The following ZNF585B variants were observed in gnomAD, a reference collection of about 807,000 sequenced individuals.
The protein encoded by ZNF585B is zinc finger protein 585B, also known as zinc finger protein 41-like protein.
Under a neutral mutation model 14.0 loss-of-function variants are expected in ZNF585B, and 7 were observed. That is an observed-to-expected ratio of 0.50 (90% CI 0.28 to 0.94). The LOEUF is 0.94. ZNF585B is among the 40% of genes least tolerant of loss of function. The probability of loss-of-function intolerance (pLI) is 0.09; values close to 1 mark genes in which losing one functional copy is unlikely to be tolerated. For synonymous variants in ZNF585B, 290 were observed against 317.3 expected (o/e 0.91, Z 0.91); for missense variants, 750 against 924.4 (o/e 0.81, Z 2.45).
chr19:37,203,682 G>A (rs1234144580), intron 2 of ZNF585B, among the ~76,000 whole-genome samples: 1 of 152,162 alleles, frequency 6.6e-6, no homozygotes, highest in East Asian at 1.9e-4. Context: ...AGGCTAGAAC[G>A]CAATGGTGTA....
At position 37,207,203 on chromosome 19, in the gene ZNF585B, T is replaced by C. The variant is rs1367663315; in HGVS notation, c.-92A>G. ...GCAGAGCTGCTCCGAAGAGGTGGGC[T>C]GGAGTCTGGAGGAAGGTCTGGCCCA... On this transcript the variant is annotated 5_prime_UTR_variant, in exon 2 of 5. Transcript: ENST00000532828. 12 of 1,576,284 alleles carry C rather than the reference T, an allele frequency of 7.6e-6. No homozygotes were observed. The Admixed American group carries it at 2.2e-4, about 28-fold the overall frequency.
intron 4 of ZNF585B, among the ~76,000 whole-genome samples, chr19:37,188,198 C>A (rs2077448530): frequency 6.6e-6 from 1 of 152,062 alleles, no homozygotes; most frequent in Non-Finnish European, 1.5e-5. Flanking sequence ...ATGACAAAAA[C>A]AAACAAGCCC....
intron 2 of ZNF585B, among the ~76,000 whole-genome samples, chr19:37,203,302 C>G (rs1972552033): frequency 6.6e-6 from 1 of 151,888 alleles, no homozygotes; most frequent in African/African-American, 2.4e-5. Context: ...TTTAGCTTTA[C>G]CACACGAACT....
intron 2 of ZNF585B, among the ~76,000 whole-genome samples, chr19:37,198,024 G>A (rs1372676860): frequency 1.3e-5 from 2 of 152,000 alleles, no homozygotes; most frequent in African/African-American, 2.4e-5. Context: ...AGAGAAGGCT[G>A]AGGAAATAAA....
chr19:37,189,519 G>T, intron 4 of ZNF585B, 142 bp downstream of exon 4: 2 of 800,654 alleles, frequency 2.5e-6, no homozygotes, highest in Non-Finnish European at 4.0e-6. Flanking sequence ...GATCTGAGAG[G>T]CATCAAGCAA....
chr19:37,199,722 A>G (rs1019948033), intron 2 of ZNF585B, among the ~76,000 whole-genome samples: 3 of 152,198 alleles, frequency 2.0e-5, no homozygotes, highest in African/African-American at 7.2e-5. Context: ...CCATGAATTC[A>G]AGGAATTCAC....
chr19:37,185,130 T>C lies in ZNF585B; in HGVS notation c.*97A>G, dbSNP rs571544484. Reference sequence around the variant, plus strand: ...CATGTGTGACATTCTGATGTGGTCATTTCTATTTACAATAATATACATATT... The same window carrying C: ...CATGTGTGACATTCTGATGTGGTCACTTCTATTTACAATAATATACATATT... On this transcript the variant is annotated 3_prime_UTR_variant, in exon 5 of 5. Transcript: ENST00000532828. 7.5e-6 allele frequency: 11 copies of C among 1,463,364 alleles called. No individual in the cohort carries two copies. In the East Asian group the frequency reaches 2.1e-4, roughly 28 times the overall value. 90.6% of individuals were successfully genotyped at this position (1,463,364 alleles called of 1,614,324 possible). A position where few individuals can be genotyped will look rare whatever the true frequency, so the allele number is the denominator to read the frequency against.
In ZNF585B at chr19:37,186,882, A is replaced by T. The variant is rs150987624; in HGVS notation, c.655T>A (p.Cys219Ser). 5 of 1,613,720 alleles carry T rather than the reference A, an allele frequency of 3.1e-6. No individual in the cohort carries two copies. The highest frequency in any genetic ancestry group is 4.2e-6 in the Non-Finnish European group (5 of 1,179,864). Residue 219 changes from cysteine to serine, a missense_variant, in exon 5 of 5, where the codon TGT becomes AGT. This residue lies in a region of ZNF585B where 517 missense variants were observed against 570.3 expected (regional missense o/e 0.91). Transcript: ENST00000532828. ...GAGTTATAAGGGAAACCTTTCCCAC[A>T]TTCACTACATTCATATAGTTTTTCT... ...TGEKLYECSE[C>S]GKGFPYNSDL...
chr19:37,198,750 A>G (rs1188008230), intron 2 of ZNF585B, among the ~76,000 whole-genome samples: 2 of 150,396 alleles, frequency 1.3e-5, no homozygotes, highest in African/African-American at 4.9e-5. Context: ...AAAAGAAAAA[A>G]AAAAAAAAAA....
At chr19:37,201,106 AATT>A (rs1322393140) in intron 2 of ZNF585B, among the ~76,000 whole-genome samples, 7 of 151,812 alleles carry the variant, frequency 4.6e-5, no homozygotes, top group African/African-American at 1.7e-4. Flanking sequence ...AAAAAAAAAA[AATT>A]ATCTTTCCAC....
At chr19:37,203,524 C>T (rs995030794) in intron 2 of ZNF585B, among the ~76,000 whole-genome samples, 3 of 147,894 alleles carry the variant, frequency 2.0e-5, no homozygotes, top group Non-Finnish European at 4.5e-5. Context: ...AACTATTTTG[C>T]GTTGTGGTAA....
At chr19:37,205,109 C>T (rs1972572643) in intron 2 of ZNF585B, among the ~76,000 whole-genome samples, 1 of 151,920 alleles carries the variant, frequency 6.6e-6, no homozygotes, top group Non-Finnish European at 1.5e-5. Context: ...CACTACATTG[C>T]CAGGGCTGGT....
chr19:37,186,671 C>T lies in ZNF585B; in HGVS notation c.866G>A (p.Arg289Gln), dbSNP rs376430580. 23 of 1,614,162 alleles carry T rather than the reference C, an allele frequency of 1.4e-5. No individual in the cohort carries two copies. In the East Asian group the frequency reaches 1.6e-4, roughly 11 times the overall value. Reference protein sequence around the residue: ...FIQKTQLIAHRRIHSGEKPYE... With the variant: ...FIQKTQLIAHQRIHSGEKPYE... ...TGGTTTTTCTCCACTATGAATTCTT[C>T]GGTGTGCAATCAATTGTGTTTTCTG... The change falls in exon 5 of 5, where the codon CGA (arginine) becomes CAA (glutamine). Residue 289 changes from arginine to glutamine, a missense_variant. Physicochemically the swap from Arg to Gln is conservative, Grantham distance 43. Transcript: ENST00000532828.
Position 37,207,229 on chromosome 19 carries a change from G to C in ZNF585B, c.-118C>G. Reference sequence around the variant, plus strand: ...GGAGTCTGGAGGAAGGTCTGGCCCAGGGACTCCCCAGAGACACCCAAGAAC... The same window carrying C: ...GGAGTCTGGAGGAAGGTCTGGCCCACGGACTCCCCAGAGACACCCAAGAAC... On this transcript the variant is annotated 5_prime_UTR_variant, in exon 2 of 5. Transcript: ENST00000532828. 1 of 1,534,032 alleles carries C rather than the reference G, an allele frequency of 6.5e-7. No homozygotes were observed. Among genetic ancestry groups the C allele is most frequent in the South Asian group, 1.2e-5 (1 of 82,922 alleles).
chr19:37,187,159 C>A lies in ZNF585B; in HGVS notation c.378G>T (p.Gly126=). 1.2e-6 allele frequency: 2 copies of A among 1,613,964 alleles called. No individual in the cohort carries two copies. The highest frequency in any genetic ancestry group is 1.7e-6 in the Non-Finnish European group (2 of 1,179,972). The change falls in exon 5 of 5, where the codon GGG becomes GGT. Residue 126 remains glycine (G), a synonymous_variant. Coordinates refer to ENST00000532828, the MANE Select transcript of ZNF585B (RefSeq NM_152279.4). ...ATTCAGCACACTCATAGGATTTTTCCCCAGAATAAATTTTTTGATCTTGAG... is the reference window on the plus strand; with the variant it reads ...ATTCAGCACACTCATAGGATTTTTCACCAGAATAAATTTTTTGATCTTGAG... ...ASSQDQKIYS[G]EKSYECAEFG... is the part of the protein sequence containing the mutation.
At position 37,184,263 on chromosome 19, in the gene ZNF585B, G is replaced by A. The variant is rs1273938148; in HGVS notation, c.*964C>T. 1 of 151,956 alleles carries A rather than the reference G, an allele frequency of 6.6e-6. No individual in the cohort carries two copies. Among genetic ancestry groups the A allele is most frequent in the Non-Finnish European group, 1.5e-5 (1 of 68,304 alleles). The allele number at this position is 151,956 out of a possible 1,614,324, so 9.4% of individuals were successfully genotyped here. The stretch of plus-strand genomic sequence containing the variant: ...AGCTACTCAGGAGGCTGAGGCAGGA[G>A]AATTGCTTGAGCCCGGGAGACGGAG... On this transcript the variant is annotated 3_prime_UTR_variant, in exon 5 of 5. Coordinates refer to ENST00000532828, the MANE Select transcript of ZNF585B (RefSeq NM_152279.4).
intron 2 of ZNF585B, 86 bp from the exon 3 acceptor site, chr19:37,190,236 G>C: frequency 6.4e-7 from 1 of 1,553,174 alleles, no homozygotes; most frequent in East Asian, 2.3e-5. Flanking sequence ...CATGGGTTTT[G>C]TTGTTTTTAA....
At chr19:37,198,400 T>C (rs1013024207) in intron 2 of ZNF585B, among the ~76,000 whole-genome samples, 1 of 151,788 alleles carries the variant, frequency 6.6e-6, no homozygotes, top group African/African-American at 2.4e-5. Context: ...TCAAACTCCC[T>C]ACCTCAGGTG....
chr19:37,207,498 G>C (rs537767729), intron 1 of ZNF585B, among the ~76,000 whole-genome samples: 5 of 152,324 alleles, frequency 3.3e-5, no homozygotes, highest in African/African-American at 1.2e-4. Context: ...TGCTGATGCT[G>C]CTGGTACAAG....
Sources: allele counts gnomAD v4.1 joint callset (sites outside exome capture counted in the v4.1 genomes callset), GRCh38; gene constraint gnomAD v4.1.1; regional missense constraint gnomAD v4.1.1; transcripts MANE v1.5; gene names NCBI Gene and HGNC (gene_info 2026-07-23, HGNC 2026-07-21).